QRSL1: variants seen among roughly 807,000 people sequenced by gnomAD.
QRSL1 encodes glutaminyl-tRNA amidotransferase subunit QRSL1.
In QRSL1, 54 loss-of-function variants were observed where a neutral mutation model predicts 61.6. The ratio of observed to expected loss-of-function variants is 0.88; its 90% CI spans 0.70 to 1.10. The LOEUF (loss-of-function observed/expected upper bound fraction) is 1.10. Ranked by LOEUF, QRSL1 falls within the 50% of genes least tolerant of loss-of-function variation. The pLI, the probability that QRSL1 is intolerant of heterozygous loss-of-function variation, is 0.00. For missense variants in QRSL1, 505 were observed against 622.6 expected, an observed-to-expected ratio of 0.81 and a Z score of 2.01; for synonymous variants, 228 against 225.7, an observed-to-expected ratio of 1.01 and a Z score of -0.09.
At chr6:106,638,326 CAG>C (rs1367055898) in intron 1 of QRSL1, among the ~76,000 whole-genome samples, 3 of 151,240 alleles carry the variant, frequency 2.0e-5, no homozygotes, top group Admixed American at 1.3e-4. Flanking sequence ...TTTTTTGAGA[CAG>C]AGTTTCGCTT....
intron 1 of QRSL1, among the ~76,000 whole-genome samples, chr6:106,630,861 A>C (rs1776809831): frequency 1.3e-5 from 2 of 152,196 alleles, no homozygotes; most frequent in Admixed American, 1.3e-4. Context: ...ACAGGCTTTA[A>C]ATAATAGTTC....
rs1394036666 is a variant in QRSL1 at position 106,666,939 on chromosome 6, AC to A, written c.*938del. On this transcript the variant is annotated 3_prime_UTR_variant, in exon 11 of 11. Transcript: ENST00000369046. ...TAAGAAAGAGCTGAAATGACTGAGA[AC>A]TTTCCTTTCCTCCTTAGAGTTACAA... The A allele has an allele frequency of 6.6e-6, 1 of 152,128 alleles. No homozygotes were observed. Among genetic ancestry groups the A allele is most frequent in the Non-Finnish European group, 1.5e-5 (1 of 68,018 alleles). The allele number at this position is 152,128 out of a possible 1,614,324, so 9.4% of individuals were successfully genotyped here. A position where few individuals can be genotyped will look rare whatever the true frequency, so the allele number is the denominator to read the frequency against.
intron 9 of QRSL1, among the ~76,000 whole-genome samples, chr6:106,660,124 T>G (rs1412088040): frequency 6.6e-6 from 1 of 150,652 alleles, no homozygotes; most frequent in Non-Finnish European, 1.5e-5. Flanking sequence ...ACTGTTTAGC[T>G]TCCTCTCTGG....
intron 9 of QRSL1, among the ~76,000 whole-genome samples, chr6:106,662,584 G>A (rs1777374414): frequency 6.6e-6 from 1 of 150,764 alleles, no homozygotes; most frequent in African/African-American, 2.4e-5. Context: ...TAAAACCTTA[G>A]AAGTCTATAA....
At chr6:106,659,904 T>C (rs1777329239) in intron 9 of QRSL1, among the ~76,000 whole-genome samples, 1 of 152,228 alleles carries the variant, frequency 6.6e-6, no homozygotes, top group Non-Finnish European at 1.5e-5. Flanking sequence ...CACTGCTCTT[T>C]GGGGATTGTT....
chr6:106,631,736 T>C (rs1394723745), intron 1 of QRSL1, among the ~76,000 whole-genome samples: 1 of 152,234 alleles, frequency 6.6e-6, no homozygotes, highest in Non-Finnish European at 1.5e-5. Context: ...GATACAGGCA[T>C]ACAATGCATA....
chr6:106,651,667 A>G (rs936879743), intron 5 of QRSL1, among the ~76,000 whole-genome samples: 6 of 152,204 alleles, frequency 3.9e-5, no homozygotes, highest in East Asian at 1.9e-4. Flanking sequence ...CCATGATTCT[A>G]AATGGGGTGG....
chr6:106,654,405 A>G (rs942273154), intron 7 of QRSL1, among the ~76,000 whole-genome samples: 1 of 150,854 alleles, frequency 6.6e-6, no homozygotes. Context: ...AGCATTTAAC[A>G]TATATGCTGA....
At chr6:106,644,957 A>G (rs1250364400) in intron 4 of QRSL1, among the ~76,000 whole-genome samples, 1 of 152,220 alleles carries the variant, frequency 6.6e-6, no homozygotes, top group Admixed American at 6.5e-5. Flanking sequence ...TATTCAACAT[A>G]TGGATGTCCA....
At chr6:106,654,328 C>T (rs1315246968) in intron 7 of QRSL1, among the ~76,000 whole-genome samples, 7 of 150,080 alleles carry the variant, frequency 4.7e-5, no homozygotes, top group Non-Finnish European at 8.9e-5. Flanking sequence ...CCAGCCTGGG[C>T]GACAGAGTGA....
intron 1 of QRSL1, 92 bp from the exon 2 acceptor site, chr6:106,640,257 C>A: frequency 1.7e-6 from 2 of 1,147,382 alleles, no homozygotes; most frequent in Non-Finnish European, 2.6e-6. Context: ...AAATGTTATA[C>A]TTAGCCACTC....
intron 10 of QRSL1, among the ~76,000 whole-genome samples, chr6:106,663,713 T>A (rs1196149054): frequency 1.3e-5 from 2 of 152,142 alleles, no homozygotes; most frequent in Non-Finnish European, 2.9e-5. Flanking sequence ...CAATTCAACA[T>A]GAGATTTGTG....
intron 1 of QRSL1, among the ~76,000 whole-genome samples, chr6:106,635,516 A>T (rs1281521957): frequency 6.6e-6 from 1 of 151,202 alleles, no homozygotes; most frequent in East Asian, 1.9e-4. Flanking sequence ...CCATCACTGG[A>T]ACACTCAGCC....
chr6:106,640,741 G>T (rs1052669424), intron 2 of QRSL1, 82 bp from the exon 3 acceptor site: 7 of 1,237,368 alleles, frequency 5.7e-6, no homozygotes, highest in Non-Finnish European at 8.1e-6. Flanking sequence ...CCAAAAACTA[G>T]TAGTTACTGT....
intron 7 of QRSL1, among the ~76,000 whole-genome samples, chr6:106,654,209 G>T (rs112267675): frequency 0.097 from 14,695 of 152,174 alleles, 968 homozygotes; most frequent in African/African-American, 0.18. Context: ...AATTAGCCGG[G>T]CGTGGCTGTG....
rs375665232 is a variant in QRSL1 at position 106,654,868 on chromosome 6, T to C, written c.988T>C (p.Leu330=). 1.4e-4 allele frequency: 229 copies of C among 1,613,580 alleles called. No homozygotes were observed. The highest frequency in any genetic ancestry group is 1.9e-4 in the Non-Finnish European group (226 of 1,179,816). The change falls in exon 8 of 11, where the codon TTG becomes CTG. Residue 330 remains leucine, a synonymous_variant. Transcript: ENST00000369046. ...TTATTCAATTGTCTGCTACCATGTA[T>C]TGTGCACATCAGAAGTGGCATCGAA... is the stretch of plus-strand genomic sequence containing the variant. The part of the protein sequence containing the change: ...TSYSIVCYHV[L]CTSEVASNMA...
chr6:106,639,589 C>T (rs1191758770), intron 1 of QRSL1, among the ~76,000 whole-genome samples: 1 of 152,158 alleles, frequency 6.6e-6, no homozygotes, highest in East Asian at 1.9e-4. Flanking sequence ...GTTTTGGTGT[C>T]ATCTTTTACT....
intron 3 of QRSL1, chr6:106,642,612 A>G: frequency 1.3e-6 from 1 of 763,994 alleles, no homozygotes; most frequent in South Asian, 1.3e-5. Flanking sequence ...GGAATGCCCC[A>G]CAAGTGTTAC....
intron 1 of QRSL1, among the ~76,000 whole-genome samples, chr6:106,637,630 T>G (rs115101166): frequency 0.01 from 1,533 of 152,236 alleles, 31 homozygotes; most frequent in African/African-American, 0.035. Context: ...CTGTGGTATG[T>G]GGTAGGTAGG....
Sources: allele counts gnomAD v4.1 joint callset (sites outside exome capture counted in the v4.1 genomes callset), GRCh38; gene constraint gnomAD v4.1.1; transcripts MANE v1.5; gene names NCBI Gene and HGNC (gene_info 2026-07-23, HGNC 2026-07-21).